Variants in CNGB1 observed in about 807,000 individuals in gnomAD.
The protein encoded by CNGB1 is cyclic nucleotide-gated channel beta-1.
CNGB1 carries 126 observed loss-of-function variants against 151.7 expected under a neutral mutation model. That is an observed-to-expected ratio of 0.83 (90% CI 0.72 to 0.96). The LOEUF (loss-of-function observed/expected upper bound fraction) is 0.96, where lower values mean the gene tolerates loss of function less well. CNGB1 is among the 40% of genes least tolerant of loss of function. The pLI is 0.00. For missense variants in CNGB1, 1,698 were observed against 1,627.0 expected, an observed-to-expected ratio of 1.04 and a Z score of -0.75; for synonymous variants, 623 against 635.1, an observed-to-expected ratio of 0.98 and a Z score of 0.29.
intron 31 of CNGB1, among the ~76,000 whole-genome samples, chr16:57,893,055 T>C (rs1482659931): frequency 1.3e-5 from 2 of 152,306 alleles, no homozygotes; most frequent in East Asian, 3.9e-4. Context: ...TACATCACTG[T>C]GCTGTAGGAA....
intron 22 of CNGB1, 150 bp downstream of exon 22, chr16:57,915,979 G>A (rs1415854907): frequency 7.6e-6 from 6 of 793,404 alleles, no homozygotes; most frequent in Non-Finnish European, 1.4e-5. Context: ...GTCTCCTGGG[G>A]CTTGTGGTTT....
At chr16:57,930,062 C>A (rs1465498162) in intron 17 of CNGB1, among the ~76,000 whole-genome samples, 1 of 152,194 alleles carries the variant, frequency 6.6e-6, no homozygotes, top group Non-Finnish European at 1.5e-5. Flanking sequence ...GCCATATGAT[C>A]CAGCAGTCCC....
chr16:57,912,921 G>A lies in CNGB1; in HGVS notation c.2369+9C>T. On this transcript the variant is annotated intron_variant, in intron 24 of 32. Transcript: ENST00000251102. ...GTGTGCATGCATGCACATGCAGGGG[G>A]AGTCTCACCTGTACACGTAGGCTTT... The A allele has an allele frequency of 6.2e-7, 1 of 1,613,724 alleles. No homozygotes were observed. The highest frequency in any genetic ancestry group is 1.1e-5 in the South Asian group (1 of 91,076).
intron 4 of CNGB1, 137 bp from the exon 5 acceptor site, chr16:57,963,201 T>C: frequency 2.6e-6 from 2 of 783,102 alleles, no homozygotes; most frequent in Non-Finnish European, 4.5e-6. Flanking sequence ...TATTGGAAAG[T>C]ACCTACATGT....
chr16:57,902,381 CTTT>C (rs1960415800), intron 27 of CNGB1, among the ~76,000 whole-genome samples: 1 of 150,982 alleles, frequency 6.6e-6, no homozygotes, highest in Non-Finnish European at 1.5e-5. Flanking sequence ...AAGCCAGGCA[CTTT>C]TTAATAGAAT....
At chr16:57,898,113 A>G (rs1239215267) in intron 29 of CNGB1, among the ~76,000 whole-genome samples, 199 bp from the exon 30 acceptor site, 1 of 152,146 alleles carries the variant, frequency 6.6e-6, no homozygotes, top group Admixed American at 6.5e-5. Context: ...GTAGACTTGG[A>G]GGAGTGACTA....
chr16:57,920,474 C>G lies in CNGB1; in HGVS notation c.1714G>C (p.Val572Leu). 1 of 1,614,190 alleles carries G rather than the reference C, an allele frequency of 6.2e-7. No homozygotes were observed. Among genetic ancestry groups the G allele is most frequent in the Non-Finnish European group, 8.5e-7 (1 of 1,180,040 alleles). Residue 572 changes from valine (V) to leucine (L), a missense_variant, in exon 19 of 33, where the codon GTG becomes CTG. Physicochemically the swap from Val to Leu is conservative, Grantham distance 32 (BLOSUM62 1). Coordinates refer to ENST00000251102, the MANE Select transcript of CNGB1 (RefSeq NM_001297.5). The part of the protein sequence containing the change: ...AIINDRLQEL[V>L]KLFKERTEKV... ...TCTGTCCGCTCCTTGAAGAGCTTCA[C>G]CAGCTCCTGGAGCCGGTCGTTGATG...
In CNGB1 at chr16:57,886,173, T is replaced by C. The variant is rs142501479; in HGVS notation, c.3462+1682A>G. ...GGGTGACAGAGCTGGGATTTGGATT[T>C]GTGTCTCTGAATGTCTAGTTAAGAG... is the stretch of plus-strand genomic sequence containing the variant. On this transcript the variant is annotated intron_variant, in intron 32 of 32. Coordinates refer to ENST00000251102, the MANE Select transcript of CNGB1 (RefSeq NM_001297.5). Among the ~76,000 whole-genome samples the C allele has an allele frequency of 4.5e-3, 689 of 152,298 alleles. 8 individuals carry two copies. Among genetic ancestry groups the C allele is most frequent in the African/African-American group, 0.016 (668 of 41,558 alleles).
chr16:57,951,031 T>G (rs1597006121), intron 12 of CNGB1, among the ~76,000 whole-genome samples: 2 of 152,164 alleles, frequency 1.3e-5, no homozygotes, highest in East Asian at 3.9e-4. Flanking sequence ...CGTTCGGCAT[T>G]TGCTTCTGAG....
At chr16:57,921,021 G>C (rs1286955296) in intron 18 of CNGB1, among the ~76,000 whole-genome samples, 3 of 152,022 alleles carry the variant, frequency 2.0e-5, no homozygotes, top group Non-Finnish European at 4.4e-5. Context: ...TAACTTACAG[G>C]AATTAAAGTT....
At chr16:57,897,030 G>T (rs1418357566) in intron 31 of CNGB1, among the ~76,000 whole-genome samples, 1 of 152,068 alleles carries the variant, frequency 6.6e-6, no homozygotes, top group Admixed American at 6.5e-5. Flanking sequence ...TAGGCCAGGC[G>T]CAGTGGCTCA....
chr16:57,969,021 A>T (rs1962476458), intron 1 of CNGB1, among the ~76,000 whole-genome samples: 2 of 151,864 alleles, frequency 1.3e-5, no homozygotes, highest in African/African-American at 4.8e-5. Context: ...AGAAAAAAAA[A>T]TGGGCCTGTT....
intron 29 of CNGB1, among the ~76,000 whole-genome samples, chr16:57,901,064 G>GT (rs1416350588): frequency 5.9e-5 from 9 of 152,210 alleles, no homozygotes; most frequent in African/African-American, 2.2e-4. Context: ...GGAGTTGGGG[G>GT]GGGGGTCTTT....
At chr16:57,959,202 G>A (rs1190269352) in intron 10 of CNGB1, among the ~76,000 whole-genome samples, 2 of 151,982 alleles carry the variant, frequency 1.3e-5, no homozygotes, top group Non-Finnish European at 2.9e-5. Context: ...AATGTCCACT[G>A]AGTGGTTAAA....
intron 25 of CNGB1, among the ~76,000 whole-genome samples, chr16:57,907,655 CCCCTTTGCATAGAAA>C (rs1960591748): frequency 6.6e-6 from 1 of 152,210 alleles, no homozygotes; most frequent in Admixed American, 6.5e-5. Flanking sequence ...ATTGCATTCT[CCCCTTTGCATAGAAA>C]GGGGCTTCAA....
chr16:57,899,110 G>A (rs1960314231), intron 29 of CNGB1, among the ~76,000 whole-genome samples: 1 of 152,186 alleles, frequency 6.6e-6, no homozygotes, highest in Admixed American at 6.5e-5. Flanking sequence ...TGGTGGAGTT[G>A]CACAGTGTCC....
intron 16 of CNGB1, among the ~76,000 whole-genome samples, chr16:57,938,467 G>A (rs1961571107): frequency 6.6e-6 from 1 of 152,082 alleles, no homozygotes; most frequent in Non-Finnish European, 1.5e-5. Flanking sequence ...CACAGTTTGG[G>A]GTGCCTTGGA....
chr16:57,944,846 C>A (rs896639952), intron 14 of CNGB1, among the ~76,000 whole-genome samples: 8 of 149,404 alleles, frequency 5.4e-5, no homozygotes, highest in Non-Finnish European at 1.2e-4. Flanking sequence ...CCCAGCTACT[C>A]AGGAGGCTGA....
At position 57,947,314 on chromosome 16, in the gene CNGB1, G is replaced by T. The variant is rs115714829; in HGVS notation, c.1121+2039C>A. 1.7e-3 allele frequency among the ~76,000 whole-genome samples: 265 copies of T among 152,294 alleles called. 1 individual carries two copies. Among genetic ancestry groups the T allele is most frequent in the Middle Eastern group, 0.01 (3 of 294 alleles). The stretch of plus-strand genomic sequence containing the variant: ...GGCAAATACAGGGGTTTTCCAGCCT[G>T]GGTGTTAGGTGTACAAGTTCAGCAA... On this transcript the variant is annotated intron_variant, in intron 14 of 32. Coordinates refer to ENST00000251102, the MANE Select transcript of CNGB1 (RefSeq NM_001297.5).
Sources: gnomAD v4.1 joint callset for allele counts (sites outside exome capture counted in the v4.1 genomes callset) on GRCh38, gnomAD v4.1.1 for gene constraint, MANE v1.5 for transcripts, NCBI Gene and HGNC (gene_info 2026-07-23, HGNC 2026-07-21) for gene names.